Variants in SEMA3E observed in about 807,000 individuals in gnomAD.
SEMA3E encodes the protein semaphorin-3E.
A neutral mutation model predicts 93.6 loss-of-function variants in SEMA3E; 49 were observed. That is an observed-to-expected ratio of 0.52 (90% CI 0.42 to 0.66). The LOEUF (loss-of-function observed/expected upper bound fraction) is 0.66. Ranked by LOEUF, SEMA3E falls within the 30% of genes least tolerant of loss-of-function variation. The pLI is 0.00. For synonymous variants in SEMA3E, 363 were observed against 330.7 expected (o/e 1.10, Z -1.06); for missense variants, 906 against 964.8 (o/e 0.94, Z 0.81).
intron 1 of SEMA3E, among the ~76,000 whole-genome samples, chr7:83,601,507 G>A (rs1792997818): frequency 6.6e-6 from 1 of 151,856 alleles, no homozygotes. Flanking sequence ...CTCCGTATGT[G>A]TTCTAAGTGA....
In SEMA3E at chr7:83,418,406, G is replaced by A. The variant is rs180985808; in HGVS notation, c.534C>T (p.Phe178=). The A allele has an allele frequency of 1.2e-6, 2 of 1,610,474 alleles. No individual in the cohort carries two copies. Among genetic ancestry groups the A allele is most frequent in the South Asian group, 2.2e-5 (2 of 90,484 alleles). Residue 178 remains phenylalanine, a synonymous_variant, in exon 5 of 17, where the codon TTC becomes TTT. Coordinates refer to ENST00000643230, the MANE Select transcript of SEMA3E (RefSeq NM_012431.3). ...GRCPFDPSSS[F]ISTLIGSELF... ...GACAATTACCAATTAAAGTGGAGAT[G>A]AAGGAGGAGCTGGGGTCAAAAGGAC...
chr7:83,623,023 A>C (rs1392782958), intron 1 of SEMA3E, among the ~76,000 whole-genome samples: 1 of 152,174 alleles, frequency 6.6e-6, no homozygotes, highest in Non-Finnish European at 1.5e-5. Flanking sequence ...TAAGCATTTT[A>C]AAGTGCATTG....
intron 4 of SEMA3E, among the ~76,000 whole-genome samples, chr7:83,438,639 T>A (rs1419020233): frequency 1.3e-5 from 2 of 151,836 alleles, no homozygotes; most frequent in African/African-American, 2.4e-5. Context: ...CACTGCATGA[T>A]AAGGCATAGC....
chr7:83,595,260 C>A (rs1356862365), intron 1 of SEMA3E, among the ~76,000 whole-genome samples: 1 of 152,058 alleles, frequency 6.6e-6, no homozygotes, highest in Non-Finnish European at 1.5e-5. Flanking sequence ...GCTTAAACAG[C>A]CGTTTTTCAC....
intron 1 of SEMA3E, among the ~76,000 whole-genome samples, chr7:83,514,062 A>G (rs1398972108): frequency 3.9e-5 from 6 of 152,122 alleles, no homozygotes; most frequent in Non-Finnish European, 8.8e-5. Context: ...ACCAAAACCA[A>G]GATCGCCACG....
intron 1 of SEMA3E, among the ~76,000 whole-genome samples, chr7:83,630,506 C>T (rs1793764664): frequency 6.6e-6 from 1 of 152,044 alleles, no homozygotes; most frequent in African/African-American, 2.4e-5. Flanking sequence ...AGATATCTGA[C>T]AGGGTACACA....
intron 14 of SEMA3E, among the ~76,000 whole-genome samples, chr7:83,388,322 T>A (rs200189240): frequency 1.2e-4 from 17 of 146,192 alleles, no homozygotes; most frequent in African/African-American, 3.5e-4. Context: ...AATAAAAAAA[T>A]AAAAAAAAAT....
chr7:83,488,278 C>G (rs1790308071), intron 2 of SEMA3E, among the ~76,000 whole-genome samples: 1 of 152,052 alleles, frequency 6.6e-6, no homozygotes, highest in Admixed American at 6.6e-5. Context: ...AATGAGCATT[C>G]TCTAGAGCTG....
chr7:83,417,821 C>A (rs1375369217), intron 5 of SEMA3E, among the ~76,000 whole-genome samples: 1 of 152,072 alleles, frequency 6.6e-6, no homozygotes, highest in Non-Finnish European at 1.5e-5. Context: ...AACTCCAGAT[C>A]CAACTTTATC....
intron 1 of SEMA3E, among the ~76,000 whole-genome samples, chr7:83,648,168 T>C (rs764733922): frequency 1.2e-3 from 181 of 152,212 alleles, no homozygotes; most frequent in Non-Finnish European, 2.2e-4. Context: ...GAACTCCTTA[T>C]TGATAAAATC....
intron 3 of SEMA3E, 121 bp downstream of exon 3, chr7:83,469,122 C>T: frequency 5.3e-6 from 4 of 751,710 alleles, no homozygotes; most frequent in Admixed American, 2.3e-5. Context: ...ATTTTTTCTT[C>T]ATGAACCAAA....
chr7:83,426,471 C>T (rs1788771100), intron 4 of SEMA3E, among the ~76,000 whole-genome samples: 2 of 152,064 alleles, frequency 1.3e-5, no homozygotes, highest in South Asian at 4.1e-4. Flanking sequence ...AATGTAAGAA[C>T]AGGAAACCAA....
chr7:83,389,713 CGTATATATTACAT>C (rs1239137979), intron 14 of SEMA3E, among the ~76,000 whole-genome samples: 2 of 145,040 alleles, frequency 1.4e-5, no homozygotes, highest in South Asian at 2.2e-4. Flanking sequence ...CATATATACA[CGTATATATTACAT>C]GTATACATAT....
intron 1 of SEMA3E, among the ~76,000 whole-genome samples, chr7:83,598,947 T>G (rs1792929733): frequency 1.3e-5 from 2 of 152,204 alleles, no homozygotes; most frequent in South Asian, 4.1e-4. Context: ...GAATAAGCAG[T>G]AAATATTGTG....
chr7:83,573,094 T>C (rs1004912824), intron 1 of SEMA3E, among the ~76,000 whole-genome samples: 2 of 151,990 alleles, frequency 1.3e-5, no homozygotes, highest in Admixed American at 1.3e-4. Context: ...AGAGTAAACA[T>C]ACAGCCTACA....
intron 4 of SEMA3E, among the ~76,000 whole-genome samples, chr7:83,462,669 C>T (rs1245144876): frequency 6.6e-6 from 1 of 151,604 alleles, no homozygotes. Context: ...CCGCAGCACG[C>T]TTTAAAAAGA....
chr7:83,573,946 A>G lies in SEMA3E; in HGVS notation c.115+74482T>C, dbSNP rs73184568. On this transcript the variant is annotated intron_variant, in intron 1 of 16. Transcript: ENST00000643230. ...TTACTAGCTACTGAAAATCATTTATAAAAATATTAATATTTTGAGAAAGGC... is the reference window on the plus strand; with the variant it reads ...TTACTAGCTACTGAAAATCATTTATGAAAATATTAATATTTTGAGAAAGGC... Among the ~76,000 whole-genome samples the G allele has an allele frequency of 8.1e-3, 1,228 of 152,170 alleles. 6 individuals carry two copies. Among genetic ancestry groups the G allele is most frequent in the Non-Finnish European group, 0.013 (905 of 67,954 alleles).
chr7:83,562,302 A>G (rs1009266689), intron 1 of SEMA3E, among the ~76,000 whole-genome samples: 1 of 151,958 alleles, frequency 6.6e-6, no homozygotes, highest in African/African-American at 2.4e-5. Context: ...AAAAGGCCTG[A>G]TATTTTCCAA....
At chr7:83,420,996 C>A (rs1367935628) in intron 4 of SEMA3E, among the ~76,000 whole-genome samples, 3 of 142,216 alleles carry the variant, frequency 2.1e-5, no homozygotes, top group Non-Finnish European at 4.8e-5. Context: ...AGAGCTTCTG[C>A]ACAGCAGGAA....
Sources: allele counts gnomAD v4.1 joint callset (sites outside exome capture counted in the v4.1 genomes callset), GRCh38; gene constraint gnomAD v4.1.1; transcripts MANE v1.5; gene names NCBI Gene and HGNC (gene_info 2026-07-23, HGNC 2026-07-21).